Variants in NRXN3 observed in about 807,000 individuals in gnomAD.
NRXN3 encodes neurexin III.
A neutral mutation model predicts 137.6 loss-of-function variants in NRXN3; 32 were observed. That is an observed-to-expected ratio of 0.23 (90% CI 0.18 to 0.31). The LOEUF is 0.31. Among genes scored for constraint, NRXN3 ranks in the 10% least tolerant of loss-of-function variants. The probability of loss-of-function intolerance (pLI) is 1.00; values close to 1 mark genes in which losing one functional copy is unlikely to be tolerated. For synonymous variants in NRXN3, 798 were observed against 784.5 expected (o/e 1.02, Z -0.29); for missense variants, 1,574 against 2,062.5 (o/e 0.76, Z 4.59).
intron 15 of NRXN3, among the ~76,000 whole-genome samples, chr14:79,350,897 A>T (rs1349313425): frequency 1.3e-5 from 2 of 152,166 alleles, no homozygotes; most frequent in African/African-American, 4.8e-5. Flanking sequence ...ATAAGACACC[A>T]TATGCTACAC....
chr14:79,014,453 C>T (rs1006322777), intron 15 of NRXN3, among the ~76,000 whole-genome samples: 6 of 152,212 alleles, frequency 3.9e-5, no homozygotes, highest in South Asian at 2.1e-4. Context: ...TTTATGGCTG[C>T]GTAGTATTCC....
intron 15 of NRXN3, among the ~76,000 whole-genome samples, chr14:79,277,673 A>G (rs2080508727): frequency 6.6e-6 from 1 of 152,174 alleles, no homozygotes; most frequent in Non-Finnish European, 1.5e-5. Context: ...TGAGGTTTCA[A>G]TGGAATGTCC....
At chr14:78,465,722 A>G (rs1169604070) in intron 4 of NRXN3, among the ~76,000 whole-genome samples, 1 of 150,380 alleles carries the variant, frequency 6.6e-6, no homozygotes, top group Non-Finnish European at 1.5e-5. Flanking sequence ...TTTAGTAGAG[A>G]TGGGGTTTCA....
intron 16 of NRXN3, among the ~76,000 whole-genome samples, chr14:79,623,558 T>C (rs2098247599): frequency 6.6e-6 from 1 of 152,230 alleles, no homozygotes; most frequent in Non-Finnish European, 1.5e-5. Flanking sequence ...CTGGACCTAA[T>C]GTTAAATTCT....
At chr14:78,888,626 T>C (rs1387744638) in intron 10 of NRXN3, among the ~76,000 whole-genome samples, 1 of 152,062 alleles carries the variant, frequency 6.6e-6, no homozygotes, top group Non-Finnish European at 1.5e-5. Flanking sequence ...ACGTCAGTTT[T>C]TCTTCATATT....
chr14:79,226,407 C>T (rs1230768672), intron 15 of NRXN3, among the ~76,000 whole-genome samples: 3 of 152,080 alleles, frequency 2.0e-5, no homozygotes, highest in African/African-American at 4.8e-5. Flanking sequence ...TTTATAGAAT[C>T]GTTTAGCATC....
chr14:79,381,438 T>G (rs1204411475), intron 15 of NRXN3, among the ~76,000 whole-genome samples: 1 of 152,148 alleles, frequency 6.6e-6, no homozygotes, highest in Non-Finnish European at 1.5e-5. Flanking sequence ...TCAGAATACC[T>G]GGCCCTTCCA....
intron 6 of NRXN3, among the ~76,000 whole-genome samples, chr14:78,662,257 T>G (rs1163550826): frequency 2.0e-5 from 3 of 151,442 alleles, no homozygotes; most frequent in African/African-American, 7.3e-5. Context: ...CCCAAAAAAC[T>G]AAGGCATTCA....
intron 4 of NRXN3, among the ~76,000 whole-genome samples, chr14:78,611,739 G>A (rs915594186): frequency 4.6e-5 from 7 of 152,132 alleles, no homozygotes; most frequent in African/African-American, 1.7e-4. Context: ...AAACTTCAGA[G>A]TCACCAATTT....
intron 15 of NRXN3, among the ~76,000 whole-genome samples, chr14:79,298,525 T>G (rs556841741): frequency 5.3e-5 from 8 of 152,208 alleles, no homozygotes. Flanking sequence ...TTAACATTTT[T>G]TCTCACCAGA....
chr14:79,852,349 G>C (rs1428928594), intron 20 of NRXN3, among the ~76,000 whole-genome samples: 1 of 151,084 alleles, frequency 6.6e-6, no homozygotes, highest in Admixed American at 6.6e-5. Context: ...GGAAAGGCAT[G>C]AAACAAAACC....
intron 15 of NRXN3, among the ~76,000 whole-genome samples, chr14:79,221,383 G>C (rs372429371): frequency 6.6e-6 from 1 of 152,096 alleles, no homozygotes; most frequent in Non-Finnish European, 1.5e-5. Context: ...GTGTAAAAGC[G>C]TTCCTATTTC....
intron 20 of NRXN3, among the ~76,000 whole-genome samples, chr14:79,836,867 C>CTAT (rs1426571982): frequency 7.9e-5 from 12 of 152,084 alleles, no homozygotes; most frequent in African/African-American, 2.9e-4. Flanking sequence ...GTCCATGGTT[C>CTAT]TATTGCTGCC....
intron 8 of NRXN3, among the ~76,000 whole-genome samples, chr14:78,740,403 T>C (rs929068488): frequency 1.3e-5 from 2 of 151,798 alleles, no homozygotes. Context: ...TCTGCCACAG[T>C]ATTTCTCAAC....
rs554794807 is a variant in NRXN3, at chr14:78,451,474, T to C, written c.757+153614T>C. Among the ~76,000 whole-genome samples the C allele has an allele frequency of 3.3e-4, 50 of 152,334 alleles. 1 individual carries two copies. The South Asian group carries it at 9.5e-3, about 29-fold the overall frequency. On this transcript the variant is annotated intron_variant, in intron 4 of 20. Transcript: ENST00000335750. ...ATTCTGTGCCCTGCCTTGCCTTTCA[T>C]GACAGATTGAAATTAAAAGCAAAAG...
chr14:78,660,120 C>T (rs1408280700), intron 6 of NRXN3, among the ~76,000 whole-genome samples: 2 of 152,004 alleles, frequency 1.3e-5, no homozygotes, highest in East Asian at 1.9e-4. Context: ...GTGAGGAGCA[C>T]TGAGGTCTCA....
intron 16 of NRXN3, among the ~76,000 whole-genome samples, chr14:79,468,159 C>T (rs961646238): frequency 6.6e-6 from 1 of 152,242 alleles, no homozygotes; most frequent in Non-Finnish European, 1.5e-5. Context: ...CTTAATAGCA[C>T]TGCACCCTTA....
Position 78,251,997 on chromosome 14 carries a change from G to A in NRXN3, c.709+8195G>A, listed in dbSNP as rs561959770. 2.0e-5 allele frequency among the ~76,000 whole-genome samples: 3 copies of A among 152,218 alleles called. No individual in the cohort carries two copies. In the East Asian group the frequency reaches 5.8e-4, roughly 29 times the overall value. ...ATTTGGGAACTGACATTGCCAGTGG[G>A]TTGTCATTATTGCTGTTGTTCTCCA... On this transcript the variant is annotated intron_variant, in intron 2 of 20. Transcript: ENST00000335750.
At position 79,240,763 on chromosome 14, in the gene NRXN3, C is replaced by G. The variant is rs117108465; in HGVS notation, c.3263-226458C>G. 3.9e-4 allele frequency among the ~76,000 whole-genome samples: 59 copies of G among 152,088 alleles called. 1 individual carries two copies. The East Asian group carries it at 8.7e-3, about 22-fold the overall frequency. Reference sequence around the variant, plus strand: ...ATCCCACCGCAGATAAAACACAGAGCAGTGTAATATGGACAGGTGTTGGAA... The same window carrying G: ...ATCCCACCGCAGATAAAACACAGAGGAGTGTAATATGGACAGGTGTTGGAA... On this transcript the variant is annotated intron_variant, in intron 15 of 20. Coordinates refer to ENST00000335750, the MANE Select transcript of NRXN3 (RefSeq NM_001330195.2).
Sources: gnomAD v4.1 joint callset for allele counts (sites outside exome capture counted in the v4.1 genomes callset) on GRCh38, gnomAD v4.1.1 for gene constraint, MANE v1.5 for transcripts, NCBI Gene and HGNC (gene_info 2026-07-23, HGNC 2026-07-21) for gene names.